Variants in NRG3 observed in about 807,000 individuals in gnomAD.
The protein encoded by NRG3 is neuregulin 3, also known as pro-neuregulin-3, membrane-bound isoform.
In NRG3, 31 loss-of-function variants were observed where a neutral mutation model predicts 66.9. The observed-to-expected ratio is 0.46, with a 90% CI of 0.35 to 0.63. NRG3 has a LOEUF of 0.63. NRG3 is among the 20% of genes least tolerant of loss of function. The probability of loss-of-function intolerance (pLI) is 0.00; values close to 1 mark genes in which losing one functional copy is unlikely to be tolerated. For missense variants in NRG3, 910 were observed against 878.9 expected, an observed-to-expected ratio of 1.04 and a Z score of -0.45; for synonymous variants, 393 against 359.4, an observed-to-expected ratio of 1.09 and a Z score of -1.06.
At chr10:81,972,179 A>T (rs1409199376) in intron 1 of NRG3, among the ~76,000 whole-genome samples, 1 of 152,190 alleles carries the variant, frequency 6.6e-6, no homozygotes, top group Non-Finnish European at 1.5e-5. Context: ...AAAATAAAGG[A>T]TATAGATTAT....
intron 2 of NRG3, among the ~76,000 whole-genome samples, chr10:82,617,054 G>A (rs767598562): frequency 9.9e-5 from 15 of 152,140 alleles, no homozygotes; most frequent in Non-Finnish European, 2.2e-4. Context: ...TTTTCTGAGT[G>A]CATTGGTTGA....
chr10:82,177,857 G>A (rs1039028160), intron 1 of NRG3, among the ~76,000 whole-genome samples: 10 of 152,050 alleles, frequency 6.6e-5, no homozygotes, highest in Admixed American at 2.0e-4. Context: ...ATTAAAAATC[G>A]GAACAGACCT....
chr10:81,970,505 A>C (rs2059895861), intron 1 of NRG3, among the ~76,000 whole-genome samples: 1 of 152,198 alleles, frequency 6.6e-6, no homozygotes, highest in South Asian at 2.1e-4. Flanking sequence ...GTAATTCTCT[A>C]TTATTTCCGT....
At chr10:82,654,622 CATT>C (rs1174307899) in intron 2 of NRG3, among the ~76,000 whole-genome samples, 1 of 152,130 alleles carries the variant, frequency 6.6e-6, no homozygotes, top group African/African-American at 2.4e-5. Flanking sequence ...AAAGTCTCAT[CATT>C]AGTTATTTCA....
intron 2 of NRG3, among the ~76,000 whole-genome samples, chr10:82,586,520 G>A (rs2133264633): frequency 6.6e-6 from 1 of 152,234 alleles, no homozygotes; most frequent in East Asian, 1.9e-4. Context: ...GAAATATTAA[G>A]CAAAATACTT....
chr10:82,178,017 AG>A (rs1480267748), intron 1 of NRG3, among the ~76,000 whole-genome samples: 2 of 152,092 alleles, frequency 1.3e-5, no homozygotes, highest in African/African-American at 4.8e-5. Flanking sequence ...GAGCCCAAAG[AG>A]CTTTTGCTTA....
chr10:82,179,345 C>G (rs536789279), intron 1 of NRG3, among the ~76,000 whole-genome samples: 1 of 151,978 alleles, frequency 6.6e-6, no homozygotes, highest in Non-Finnish European at 1.5e-5. Context: ...TGAAGCTTTT[C>G]CCTTGTGGTT....
intron 2 of NRG3, among the ~76,000 whole-genome samples, chr10:82,364,294 A>T (rs2084379373): frequency 6.6e-6 from 1 of 152,166 alleles, no homozygotes; most frequent in South Asian, 2.1e-4. Flanking sequence ...TTAATAATTC[A>T]TTGATACTTT....
chr10:81,889,098 C>T (rs1312921773), intron 1 of NRG3: 1 of 152,060 alleles, frequency 6.6e-6, no homozygotes, highest in Non-Finnish European at 1.5e-5. Flanking sequence ...TTTCAAATAC[C>T]TAAAAATTTG....
chr10:81,926,039 C>T (rs765085672), intron 1 of NRG3, among the ~76,000 whole-genome samples: 2 of 152,002 alleles, frequency 1.3e-5, no homozygotes, highest in African/African-American at 4.8e-5. Context: ...GATTGGGATG[C>T]GAATGTAATT....
chr10:82,778,328 T>C (rs1471299122), intron 3 of NRG3, among the ~76,000 whole-genome samples: 1 of 152,144 alleles, frequency 6.6e-6, no homozygotes, highest in African/African-American at 2.4e-5. Context: ...TCCCTAGGAC[T>C]GGGTAATTTA....
chr10:82,625,296 G>A (rs594418), intron 2 of NRG3, among the ~76,000 whole-genome samples: 124,671 of 151,066 alleles, frequency 0.83, 51,240 homozygotes, highest in Middle Eastern at 0.89. Context: ...CTTTTAGTTA[G>A]AAAAGAAAAA....
chr10:82,622,337 T>G (rs1672684237), intron 2 of NRG3, among the ~76,000 whole-genome samples: 1 of 151,982 alleles, frequency 6.6e-6, no homozygotes, highest in South Asian at 2.1e-4. Context: ...GGTCATGAGG[T>G]TCTTTGGATT....
chr10:82,164,084 C>T (rs1035998755), intron 1 of NRG3, among the ~76,000 whole-genome samples: 9 of 151,926 alleles, frequency 5.9e-5, no homozygotes, highest in Non-Finnish European at 1.2e-4. Context: ...CCATGTCTGG[C>T]TAATTTTTGC....
At chr10:82,349,885 C>A (rs796287065) in intron 1 of NRG3, among the ~76,000 whole-genome samples, 3 of 152,316 alleles carry the variant, frequency 2.0e-5, no homozygotes, top group Non-Finnish European at 4.4e-5. Flanking sequence ...TGACCCCTTG[C>A]GCTTCCCAAG....
At chr10:82,195,506 G>A (rs2074398030) in intron 1 of NRG3, among the ~76,000 whole-genome samples, 2 of 152,030 alleles carry the variant, frequency 1.3e-5, no homozygotes, top group Non-Finnish European at 2.9e-5. Flanking sequence ...AAGTTCAATC[G>A]AACAAGCTCC....
At chr10:82,682,650 A>G (rs2054191857) in intron 2 of NRG3, among the ~76,000 whole-genome samples, 2 of 152,208 alleles carry the variant, frequency 1.3e-5, no homozygotes, top group Admixed American at 1.3e-4. Flanking sequence ...AGAGAAAAGT[A>G]TTCTGAAGAT....
chr10:82,452,226 G>A (rs575999391), intron 2 of NRG3, among the ~76,000 whole-genome samples: 4 of 152,250 alleles, frequency 2.6e-5, no homozygotes, highest in Non-Finnish European at 5.9e-5. Context: ...GTTAGCCTTG[G>A]GCTGTTAGAC....
In NRG3 at chr10:82,397,683, T is replaced by C. The variant is rs372255685; in HGVS notation, c.953+38815T>C. Among the ~76,000 whole-genome samples, 7 of 152,274 alleles carry C rather than the reference T, an allele frequency of 4.6e-5. No homozygotes were observed. The East Asian group carries it at 9.7e-4, about 21-fold the overall frequency. ...TATTTTTTACAAGGACACTTTGTAA[T>C]GCAAAAGGGCAAAATACCATACTCT... On this transcript the variant is annotated intron_variant, in intron 2 of 8. Coordinates refer to ENST00000372141, the MANE Select transcript of NRG3 (RefSeq NM_001010848.4).
Sources: allele counts gnomAD v4.1 joint callset (sites outside exome capture counted in the v4.1 genomes callset), GRCh38; gene constraint gnomAD v4.1.1; transcripts MANE v1.5; gene names NCBI Gene and HGNC (gene_info 2026-07-23, HGNC 2026-07-21).